NUDCD1: variants seen among roughly 807,000 people sequenced by gnomAD.
The protein encoded by NUDCD1 is NudC domain containing 1.
A neutral mutation model predicts 67.8 loss-of-function variants in NUDCD1; 60 were observed. The ratio of observed to expected loss-of-function variants is 0.88; its 90% CI spans 0.72 to 1.10. The LOEUF is 1.10. Ranked by LOEUF, NUDCD1 falls within the 50% of genes least tolerant of loss-of-function variation. The pLI, the probability that NUDCD1 is intolerant of heterozygous loss-of-function variation, is 0.00. For synonymous variants in NUDCD1, 244 were observed against 230.8 expected (o/e 1.06, Z -0.52); for missense variants, 643 against 695.0 (o/e 0.93, Z 0.84).
intron 8 of NUDCD1, among the ~76,000 whole-genome samples, chr8:109,255,301 TA>T (rs980520411): frequency 2.0e-5 from 3 of 152,184 alleles, no homozygotes; most frequent in Non-Finnish European, 4.4e-5. Flanking sequence ...AATTGATGTC[TA>T]AAAAATATGG....
rs376100380 is a variant in NUDCD1, at chr8:109,242,967, T to C, written c.*42A>G. ...AACTGTCCAGACCTCCAGGTACCAC[T>C]GAATACTTTTCCAGTACAAAGAGGC... On this transcript the variant is annotated 3_prime_UTR_variant, in exon 10 of 10. Coordinates refer to ENST00000239690, the MANE Select transcript of NUDCD1 (RefSeq NM_032869.4). The C allele has an allele frequency of 3.3e-4, 450 of 1,360,112 alleles. No homozygotes were observed. The highest frequency in any genetic ancestry group is 4.3e-4 in the Non-Finnish European group (418 of 967,764). The allele number at this position is 1,360,112 out of a possible 1,614,324, so 84.3% of individuals were successfully genotyped here. A position where few individuals can be genotyped will look rare whatever the true frequency, so the allele number is the denominator to read the frequency against.
chr8:109,285,761 T>C (rs566168621), intron 5 of NUDCD1, among the ~76,000 whole-genome samples: 1 of 152,220 alleles, frequency 6.6e-6, no homozygotes, highest in South Asian at 2.1e-4. Flanking sequence ...AAGAAAAGCA[T>C]GCTTACTCTT....
At chr8:109,314,048 T>A (rs537480556) in intron 2 of NUDCD1, among the ~76,000 whole-genome samples, 1 of 152,264 alleles carries the variant, frequency 6.6e-6, no homozygotes, top group Admixed American at 6.5e-5. Flanking sequence ...CTATAAGCAA[T>A]AAAATATCTT....
In NUDCD1 at chr8:109,293,533, CA is replaced by C; in HGVS notation, c.460-10del. 1 of 1,442,392 alleles carries C rather than the reference CA, an allele frequency of 6.9e-7. No individual in the cohort carries two copies. Among genetic ancestry groups the C allele is most frequent in the Non-Finnish European group, 9.4e-7 (1 of 1,069,282 alleles). The allele number at this position is 1,442,392 out of a possible 1,614,324, so 89.3% of individuals were successfully genotyped here. A position where few individuals can be genotyped will look rare whatever the true frequency, so the allele number is the denominator to read the frequency against. ...TCTTCATTAAACATAATCTACAAAACAAAATTACACACACAAAAAAGTGTAC... is the reference window on the plus strand; with the variant it reads ...TCTTCATTAAACATAATCTACAAAACAAATTACACACACAAAAAAGTGTAC... On this transcript the variant is annotated splice_polypyrimidine_tract_variant and intron_variant, in intron 3 of 9. Transcript: ENST00000239690.
intron 1 of NUDCD1, among the ~76,000 whole-genome samples, chr8:109,328,070 A>G (rs1357679521): frequency 1.3e-5 from 2 of 152,206 alleles, no homozygotes; most frequent in African/African-American, 2.4e-5. Flanking sequence ...GAAACATCCA[A>G]TAAGATGAAA....
At chr8:109,333,831 T>C (rs1009665163) in intron 1 of NUDCD1, 62 bp downstream of exon 1, 4 of 1,573,186 alleles carry the variant, frequency 2.5e-6, no homozygotes, top group African/African-American at 2.7e-5. Context: ...GCGGGAAGGG[T>C]CAGGCCGGAG....
intron 8 of NUDCD1, among the ~76,000 whole-genome samples, chr8:109,262,627 A>C (rs1377219558): frequency 2.0e-5 from 3 of 152,146 alleles, no homozygotes; most frequent in Non-Finnish European, 4.4e-5. Context: ...CATTCTTCCA[A>C]AGTAAATCAA....
rs1429312817 is a variant in NUDCD1, at chr8:109,281,156, C to A, written c.840G>T (p.Trp280Cys). The change falls in exon 6 of 10, where the codon TGG becomes TGT. Residue 280 changes from tryptophan to cysteine, a missense_variant. Transcript: ENST00000239690. The part of the protein sequence containing the change: ...SEKIKEPLYY[W>C]QQTEDDLTVT... ...CTGTCAAATCATCTTCAGTCTGTTG[C>A]CAGTAATACAGAGGTTCTATTGGGA... The A allele has an allele frequency of 2.5e-6, 4 of 1,610,990 alleles. No individual in the cohort carries two copies. In the East Asian group the frequency reaches 6.7e-5, roughly 27 times the overall value.
At chr8:109,285,645 C>T (rs1367253121) in intron 5 of NUDCD1, among the ~76,000 whole-genome samples, 1 of 151,998 alleles carries the variant, frequency 6.6e-6, no homozygotes, top group African/African-American at 2.4e-5. Context: ...AGAAACTAGG[C>T]ATCAAAGGAA....
intron 5 of NUDCD1, 114 bp from the exon 6 acceptor site, chr8:109,281,286 G>T: frequency 1.6e-6 from 1 of 637,308 alleles, no homozygotes. Flanking sequence ...CTCACAAAAC[G>T]TAATTATAAA....
At chr8:109,248,107 C>CAA (rs1373097874) in intron 8 of NUDCD1, among the ~76,000 whole-genome samples, 1 of 152,146 alleles carries the variant, frequency 6.6e-6, no homozygotes, top group South Asian at 2.1e-4. Flanking sequence ...AGGGGATAGA[C>CAA]AGAGTTTAGA....
intron 1 of NUDCD1, among the ~76,000 whole-genome samples, chr8:109,329,042 A>G (rs903898057): frequency 1.3e-5 from 2 of 152,224 alleles, no homozygotes; most frequent in Admixed American, 6.5e-5. Flanking sequence ...GAAAGATGCA[A>G]AAGATTTAAA....
chr8:109,289,138 G>C (rs1814642623), intron 5 of NUDCD1, among the ~76,000 whole-genome samples: 1 of 151,704 alleles, frequency 6.6e-6, no homozygotes, highest in Non-Finnish European at 1.5e-5. Flanking sequence ...ACCACATCCG[G>C]ATTTTTTTTT....
intron 8 of NUDCD1, among the ~76,000 whole-genome samples, chr8:109,251,937 C>A (rs1282857195): frequency 6.6e-6 from 1 of 152,098 alleles, no homozygotes; most frequent in African/African-American, 2.4e-5. Flanking sequence ...TCCACGTGTG[C>A]CATGTTTCAT....
In NUDCD1 at chr8:109,241,456, A is replaced by G. The variant is rs1243371628; in HGVS notation, c.*1553T>C. ...ATGAAGTTTTACAACAATACTAAAA[A>G]GTTCTGGAAATATCACTGTTTTGGT... On this transcript the variant is annotated 3_prime_UTR_variant, in exon 10 of 10. Transcript: ENST00000239690. The G allele has an allele frequency of 6.6e-6, 1 of 152,158 alleles. No individual in the cohort carries two copies. The highest frequency in any genetic ancestry group is 2.4e-5 in the African/African-American group (1 of 41,446). 9.4% of individuals were successfully genotyped at this position (152,158 alleles called of 1,614,324 possible). A position where few individuals can be genotyped will look rare whatever the true frequency, so the allele number is the denominator to read the frequency against.
chr8:109,322,096 G>A (rs1475681012), intron 2 of NUDCD1, among the ~76,000 whole-genome samples: 1 of 152,084 alleles, frequency 6.6e-6, no homozygotes, highest in African/African-American at 2.4e-5. Flanking sequence ...GCTGCCCAAT[G>A]GTGAGAGTGG....
At chr8:109,318,944 C>A (rs1469879093) in intron 2 of NUDCD1, among the ~76,000 whole-genome samples, 1 of 147,742 alleles carries the variant, frequency 6.8e-6, no homozygotes, top group Non-Finnish European at 1.5e-5. Flanking sequence ...CAGGCCAATT[C>A]CTGCCCATTT....
intron 8 of NUDCD1, among the ~76,000 whole-genome samples, chr8:109,260,806 C>T (rs1328232415): frequency 6.6e-6 from 1 of 152,194 alleles, no homozygotes; most frequent in East Asian, 1.9e-4. Flanking sequence ...TTGCTTGATA[C>T]AACTCTCTTT....
At chr8:109,302,715 A>G (rs1138634) in intron 2 of NUDCD1, among the ~76,000 whole-genome samples, 96,891 of 152,032 alleles carry the variant, frequency 0.64, 32,352 homozygotes, top group African/African-American at 0.84. Flanking sequence ...ATCAGTTAGC[A>G]TTTAGGCTCT....
Sources: gnomAD v4.1 joint callset for allele counts (sites outside exome capture counted in the v4.1 genomes callset) on GRCh38, gnomAD v4.1.1 for gene constraint, MANE v1.5 for transcripts, NCBI Gene and HGNC (gene_info 2026-07-23, HGNC 2026-07-21) for gene names.